SKAP2: variants seen among roughly 807,000 people sequenced by gnomAD.
SKAP2 encodes the protein src kinase-associated phosphoprotein 2.
SKAP2 carries 28 observed loss-of-function variants against 54.9 expected under a neutral mutation model. The observed-to-expected ratio is 0.51, with a 90% CI of 0.38 to 0.70. The LOEUF (loss-of-function observed/expected upper bound fraction) is 0.70, where lower values mean the gene tolerates loss of function less well. Ranked by LOEUF, SKAP2 falls within the 30% of genes least tolerant of loss-of-function variation. The pLI, the probability that SKAP2 is intolerant of heterozygous loss-of-function variation, is 0.00. For synonymous variants in SKAP2, 137 were observed against 134.3 expected (o/e 1.02, Z -0.14); for missense variants, 356 against 424.1 (o/e 0.84, Z 1.41).
chr7:26,815,648 G>T (rs1234632110), intron 4 of SKAP2, among the ~76,000 whole-genome samples: 2 of 152,040 alleles, frequency 1.3e-5, no homozygotes, highest in Non-Finnish European at 2.9e-5. Context: ...TTGCCCAAGG[G>T]AGGACAAAGT....
intron 4 of SKAP2, among the ~76,000 whole-genome samples, chr7:26,777,632 T>C (rs1271160353): frequency 1.3e-5 from 2 of 152,156 alleles, no homozygotes; most frequent in African/African-American, 4.8e-5. Flanking sequence ...TGTGGGAATA[T>C]AAATGAGTAC....
chr7:26,785,256 G>A (rs1184020971), intron 4 of SKAP2, among the ~76,000 whole-genome samples: 4 of 151,744 alleles, frequency 2.6e-5, no homozygotes, highest in South Asian at 2.1e-4. Context: ...GCGCGATCTC[G>A]GCTCACTGCA....
At chr7:26,746,162 G>A (rs1782556802) in intron 4 of SKAP2, among the ~76,000 whole-genome samples, 1 of 152,156 alleles carries the variant, frequency 6.6e-6, no homozygotes, top group Admixed American at 6.6e-5. Context: ...ATTTTTGGTT[G>A]AAGGGTACAT....
chr7:26,825,627 C>A (rs1784475375), intron 4 of SKAP2, among the ~76,000 whole-genome samples: 1 of 148,552 alleles, frequency 6.7e-6, no homozygotes, highest in South Asian at 2.1e-4. Context: ...GGAACATCAG[C>A]TCTTATGAAA....
intron 4 of SKAP2, among the ~76,000 whole-genome samples, chr7:26,771,948 G>A (rs1248147260): frequency 1.3e-5 from 2 of 152,078 alleles, no homozygotes; most frequent in Admixed American, 6.6e-5. Context: ...GACCACTAAA[G>A]TTTTATTCAT....
intron 3 of SKAP2, among the ~76,000 whole-genome samples, chr7:26,850,782 T>C (rs1785023489): frequency 1.3e-5 from 2 of 152,084 alleles, no homozygotes; most frequent in African/African-American, 4.8e-5. Flanking sequence ...TAAGTACAAG[T>C]AAAATTAAGG....
intron 4 of SKAP2, among the ~76,000 whole-genome samples, chr7:26,777,241 T>C (rs530488147): frequency 1.3e-5 from 2 of 152,260 alleles, no homozygotes; most frequent in Non-Finnish European, 2.9e-5. Context: ...CCCTCCTGAA[T>C]ACGACAGAAA....
At chr7:26,835,029 G>A (rs998771847) in intron 4 of SKAP2, among the ~76,000 whole-genome samples, 4 of 152,190 alleles carry the variant, frequency 2.6e-5, no homozygotes, top group Non-Finnish European at 5.9e-5. Context: ...TAGGATGCAA[G>A]GCTGGTTTGA....
At chr7:26,830,072 A>C (rs1361264461) in intron 4 of SKAP2, among the ~76,000 whole-genome samples, 1 of 152,194 alleles carries the variant, frequency 6.6e-6, no homozygotes, top group Non-Finnish European at 1.5e-5. Context: ...AAAGGGAATA[A>C]AGAACTGGTA....
chr7:26,859,914 T>A (rs1194373187), intron 1 of SKAP2, among the ~76,000 whole-genome samples: 7 of 152,208 alleles, frequency 4.6e-5, no homozygotes, highest in African/African-American at 1.4e-4. Flanking sequence ...CATGAGTATA[T>A]AAAATCTAGC....
At chr7:26,747,148 A>G (rs2391357) in intron 4 of SKAP2, among the ~76,000 whole-genome samples, 1 of 152,142 alleles carries the variant, frequency 6.6e-6, no homozygotes, top group Admixed American at 6.5e-5. Context: ...TTACTTTAGC[A>G]TAGTCTTTTC....
At chr7:26,719,376 A>C (rs1043066651) in intron 9 of SKAP2, among the ~76,000 whole-genome samples, 4 of 152,158 alleles carry the variant, frequency 2.6e-5, no homozygotes, top group Non-Finnish European at 4.4e-5. Context: ...GCCTCTTCAA[A>C]GTCCAGGTCC....
intron 3 of SKAP2, among the ~76,000 whole-genome samples, chr7:26,851,717 A>C (rs1299937071): frequency 1.4e-5 from 2 of 141,882 alleles, no homozygotes; most frequent in African/African-American, 5.0e-5. Context: ...AAGTATAATA[A>C]TTAAAAAAAA....
chr7:26,864,479 C>A lies in SKAP2; in HGVS notation c.-50G>T. On this transcript the variant is annotated 5_prime_UTR_variant, in exon 1 of 13. Transcript: ENST00000345317. ...GAAAGGACCTGCGCTGAAAAGGTGACCGACGGGGTGGGGCTGCGGCTGCGA... is the reference window on the plus strand; with the variant it reads ...GAAAGGACCTGCGCTGAAAAGGTGAACGACGGGGTGGGGCTGCGGCTGCGA... 1 of 1,553,794 alleles carries A rather than the reference C, an allele frequency of 6.4e-7. No homozygotes were observed. Among genetic ancestry groups the A allele is most frequent in the South Asian group, 1.2e-5 (1 of 83,224 alleles).
At chr7:26,657,974 G>A in the SKAP2 span, among the ~76,000 whole-genome samples, 4 of 151,978 alleles carry the variant, frequency 2.6e-5, no homozygotes, top group Non-Finnish European at 2.9e-5. Flanking sequence ...AAGCTATTGC[G>A]GTCTTCCCAA....
the SKAP2 span, among the ~76,000 whole-genome samples, chr7:26,660,573 A>G: frequency 6.6e-6 from 1 of 152,040 alleles, no homozygotes; most frequent in African/African-American, 2.4e-5. Context: ...ATTCTCTACT[A>G]TAATCACTTA....
chr7:26,740,675 T>C (rs1467958143), intron 4 of SKAP2, among the ~76,000 whole-genome samples: 3 of 152,224 alleles, frequency 2.0e-5, no homozygotes, highest in Non-Finnish European at 4.4e-5. Flanking sequence ...AATATTTTTA[T>C]AAACTTCATT....
chr7:26,837,219 A>T (rs1482618270), intron 4 of SKAP2, among the ~76,000 whole-genome samples: 1 of 152,186 alleles, frequency 6.6e-6, no homozygotes, highest in Non-Finnish European at 1.5e-5. Flanking sequence ...TAGCATTAGG[A>T]GAAATACCTA....
At chr7:26,855,441 C>T (rs1785141860) in intron 1 of SKAP2, among the ~76,000 whole-genome samples, 1 of 151,984 alleles carries the variant, frequency 6.6e-6, no homozygotes, top group Admixed American at 6.5e-5. Flanking sequence ...AAATCAAGCC[C>T]TCCTTCTTCC....
Sources: gnomAD v4.1 joint callset for allele counts (sites outside exome capture counted in the v4.1 genomes callset) on GRCh38, gnomAD v4.1.1 for gene constraint, MANE v1.5 for transcripts, NCBI Gene and HGNC (gene_info 2026-07-23, HGNC 2026-07-21) for gene names.